The following SMAD3 variants were observed in gnomAD, a reference collection of about 807,000 sequenced individuals.
SMAD3 encodes SMAD family member 3.
SMAD3 carries 12 observed loss-of-function variants against 51.8 expected under a neutral mutation model. The ratio of observed to expected loss-of-function variants is 0.23; its 90% CI spans 0.15 to 0.38. The LOEUF (loss-of-function observed/expected upper bound fraction) is 0.38, where lower values mean the gene tolerates loss of function less well. Ranked by LOEUF, SMAD3 falls within the 10% of genes least tolerant of loss-of-function variation. The probability of loss-of-function intolerance (pLI) is 1.00; values close to 1 mark genes in which losing one functional copy is unlikely to be tolerated. For missense variants in SMAD3, 294 were observed against 565.6 expected (o/e 0.52, Z 4.87); for synonymous variants, 238 against 227.7 (o/e 1.05, Z -0.41).
intron 1 of SMAD3, among the ~76,000 whole-genome samples, chr15:67,134,400 T>C (rs1215171994): frequency 2.6e-5 from 4 of 152,190 alleles, no homozygotes; most frequent in Non-Finnish European, 5.9e-5. Context: ...GAAAGGCCTT[T>C]TGAAATGCTG....
chr15:67,189,629 T>G, intron 8 of SMAD3, among the ~76,000 whole-genome samples: 1 of 152,200 alleles, frequency 6.6e-6, no homozygotes, highest in East Asian at 1.9e-4. Flanking sequence ...CTCTTCTCTC[T>G]GTGAGGTGGC....
rs117509122 is a variant in SMAD3 at position 67,119,821 on chromosome 15, G to T, written c.207-45074G>T. Among the ~76,000 whole-genome samples, 232 of 152,080 alleles carry T rather than the reference G, an allele frequency of 1.5e-3. 4 individuals carry two copies. In the East Asian group the frequency reaches 0.032, roughly 21 times the overall value. On this transcript the variant is annotated intron_variant, in intron 1 of 8. Transcript: ENST00000327367. Reference sequence around the variant, plus strand: ...ACTTTGAATTTTTTTTTTGGAGACAGAGTCTCGCTTTGTCACCCAAGCTGG... The same window carrying T: ...ACTTTGAATTTTTTTTTTGGAGACATAGTCTCGCTTTGTCACCCAAGCTGG...
chr15:67,134,201 G>A lies in SMAD3; in HGVS notation c.207-30694G>A, dbSNP rs777268680. 3.3e-5 allele frequency among the ~76,000 whole-genome samples: 5 copies of A among 151,900 alleles called. No homozygotes were observed. In the East Asian group the frequency reaches 5.8e-4, roughly 18 times the overall value. ...ATTTCCAAGGCTCAACCCCTGCAACGCCCCACCAAGCCAGTCACCCACCAC... is the reference window on the plus strand; with the variant it reads ...ATTTCCAAGGCTCAACCCCTGCAACACCCCACCAAGCCAGTCACCCACCAC... On this transcript the variant is annotated intron_variant, in intron 1 of 8. Coordinates refer to ENST00000327367, the MANE Select transcript of SMAD3 (RefSeq NM_005902.4).
chr15:67,087,724 A>G (rs1960424318), intron 1 of SMAD3, among the ~76,000 whole-genome samples: 1 of 151,198 alleles, frequency 6.6e-6, no homozygotes, highest in Non-Finnish European at 1.5e-5. Flanking sequence ...AGAGCAAAGT[A>G]TGCATTTCTT....
rs982228282 is a variant in SMAD3 at position 67,084,077 on chromosome 15, T to C, written c.206+17717T>C. ...CAGATTTTCTTTTTTTTTCTTTTTT[T>C]TTTTTTTTTTTTTTTTGAGATGGAG... On this transcript the variant is annotated intron_variant, in intron 1 of 8. Coordinates refer to ENST00000327367, the MANE Select transcript of SMAD3 (RefSeq NM_005902.4). Among the ~76,000 whole-genome samples the C allele has an allele frequency of 3.0e-3, 376 of 126,176 alleles. 2 individuals carry two copies. Among genetic ancestry groups the C allele is most frequent in the African/African-American group, 0.01 (302 of 29,090 alleles). 82.8% of individuals were successfully genotyped at this position (126,176 alleles called of 152,430 possible). A position where few individuals can be genotyped will look rare whatever the true frequency, so the allele number is the denominator to read the frequency against.
intron 1 of SMAD3, among the ~76,000 whole-genome samples, chr15:67,160,174 C>T (rs1023317066): frequency 6.6e-6 from 1 of 152,208 alleles, no homozygotes; most frequent in South Asian, 2.1e-4. Context: ...TGTATAGCTA[C>T]TGTGTATCCC....
chr15:67,111,506 C>A (rs1443258421), intron 1 of SMAD3, among the ~76,000 whole-genome samples: 1 of 152,038 alleles, frequency 6.6e-6, no homozygotes, highest in African/African-American at 2.4e-5. Context: ...TGAGTAGATA[C>A]CTAGAAGTAG....
At chr15:67,102,247 A>AGTGTGTGT (rs56983970) in intron 1 of SMAD3, among the ~76,000 whole-genome samples, 38,041 of 149,060 alleles carry the variant, frequency 0.26, 5,561 homozygotes, top group East Asian at 0.43. Context: ...ATGCTGTGAA[A>AGTGTGTGT]GTGTGTGTGT....
chr15:67,069,789 C>T (rs1250899326), intron 1 of SMAD3, among the ~76,000 whole-genome samples: 2 of 152,118 alleles, frequency 1.3e-5, no homozygotes, highest in Non-Finnish European at 2.9e-5. Context: ...TCACTGCAAC[C>T]TCTGCCTCCC....
chr15:67,108,480 T>C (rs1960931252), intron 1 of SMAD3, among the ~76,000 whole-genome samples: 1 of 152,216 alleles, frequency 6.6e-6, no homozygotes, highest in African/African-American at 2.4e-5. Context: ...AGTCCCATCT[T>C]GATCTCCAGG....
chr15:67,101,516 C>T (rs956178761), intron 1 of SMAD3, among the ~76,000 whole-genome samples: 22 of 152,168 alleles, frequency 1.4e-4, no homozygotes, highest in African/African-American at 5.1e-4. Flanking sequence ...TGTATCCTGT[C>T]CTGGTCGGTG....
intron 4 of SMAD3, among the ~76,000 whole-genome samples, chr15:67,168,755 T>G (rs543622600): frequency 2.0e-4 from 30 of 152,282 alleles, no homozygotes; most frequent in African/African-American, 6.7e-4. Context: ...CATGAGTGAT[T>G]TATCTACAGT....
intron 1 of SMAD3, chr15:67,146,248 C>T (rs750766): frequency 0.46 from 69,767 of 152,134 alleles, 16,104 homozygotes; most frequent in Middle Eastern, 0.54. Flanking sequence ...CATTAATCTT[C>T]GATTTTTTGC....
chr15:67,117,522 T>C (rs1394895611), intron 1 of SMAD3, among the ~76,000 whole-genome samples: 2 of 151,962 alleles, frequency 1.3e-5, no homozygotes, highest in Non-Finnish European at 2.9e-5. Flanking sequence ...CTTTTGATCA[T>C]GAGGAAGCCA....
At chr15:67,125,887 C>G in intron 1 of SMAD3, 1 of 985,502 alleles carries the variant, frequency 1.0e-6, no homozygotes, top group Non-Finnish European at 1.2e-6. Flanking sequence ...TCACCAGGAA[C>G]CCCACACGCT....
At chr15:67,175,157 CT>C (rs1298878763) in intron 5 of SMAD3, among the ~76,000 whole-genome samples, 1 of 152,176 alleles carries the variant, frequency 6.6e-6, no homozygotes, top group Admixed American at 6.5e-5. Flanking sequence ...AGGTAGTGAG[CT>C]GGCTTCTGCC....
chr15:67,190,904 C>T lies in SMAD3; in HGVS notation c.*368C>T. 1 of 382,692 alleles carries T rather than the reference C, an allele frequency of 2.6e-6. No homozygotes were observed. Among genetic ancestry groups the T allele is most frequent in the Admixed American group, 3.8e-5 (1 of 26,148 alleles). The allele number at this position is 382,692 out of a possible 1,614,324, so 23.7% of individuals were successfully genotyped here. ...AGTCCAACCAGAAACACCCCTCTGTCTAGGACTGCAGTGTGGAGTTCACCT... is the reference window on the plus strand; with the variant it reads ...AGTCCAACCAGAAACACCCCTCTGTTTAGGACTGCAGTGTGGAGTTCACCT... On this transcript the variant is annotated 3_prime_UTR_variant, in exon 9 of 9. Transcript: ENST00000327367.
At chr15:67,082,357 C>G (rs1373635335) in intron 1 of SMAD3, among the ~76,000 whole-genome samples, 1 of 152,178 alleles carries the variant, frequency 6.6e-6, no homozygotes, top group Non-Finnish European at 1.5e-5. Context: ...TCTGTCTCCA[C>G]CCCTCCACCA....
At chr15:67,067,412 CAG>C (rs1959950956) in intron 1 of SMAD3, among the ~76,000 whole-genome samples, 1 of 152,208 alleles carries the variant, frequency 6.6e-6, no homozygotes, top group Admixed American at 6.5e-5. Flanking sequence ...CTCTACCTCT[CAG>C]CCTCCTTTGA....
Sources: allele counts gnomAD v4.1 joint callset (sites outside exome capture counted in the v4.1 genomes callset), GRCh38; gene constraint gnomAD v4.1.1; transcripts MANE v1.5; gene names NCBI Gene and HGNC (gene_info 2026-07-23, HGNC 2026-07-21).